PAK1: variants seen among roughly 807,000 people sequenced by gnomAD.
PAK1 encodes the protein serine/threonine-protein kinase PAK 1.
Under a neutral mutation model 67.4 loss-of-function variants are expected in PAK1, and 29 were observed. The ratio of observed to expected loss-of-function variants is 0.43; its 90% CI spans 0.32 to 0.59. The LOEUF (loss-of-function observed/expected upper bound fraction) is 0.59, where lower values mean the gene tolerates loss of function less well. Among genes scored for constraint, PAK1 ranks in the 20% least tolerant of loss-of-function variants. The probability of loss-of-function intolerance (pLI) is 0.07; values close to 1 mark genes in which losing one functional copy is unlikely to be tolerated. For missense variants in PAK1, 337 were observed against 670.7 expected, an observed-to-expected ratio of 0.50 and a Z score of 5.50; for synonymous variants, 223 against 237.4, an observed-to-expected ratio of 0.94 and a Z score of 0.56.
chr11:77,523,279 TATA>T, the PAK1 span, among the ~76,000 whole-genome samples: 2 of 152,202 alleles, frequency 1.3e-5, no homozygotes, highest in Non-Finnish European at 2.9e-5. Context: ...TACTAAAATA[TATA>T]ATATCTCAGA....
chr11:77,328,367 T>G (rs558804434), intron 14 of PAK1, among the ~76,000 whole-genome samples: 1 of 152,068 alleles, frequency 6.6e-6, no homozygotes, highest in Non-Finnish European at 1.5e-5. Flanking sequence ...TACTCCAAAA[T>G]TGACCACATA....
chr11:77,439,701 A>G (rs1344618181), intron 1 of PAK1, among the ~76,000 whole-genome samples: 4 of 152,324 alleles, frequency 2.6e-5, no homozygotes, highest in Admixed American at 1.3e-4. Context: ...ATTCACTTCC[A>G]GAGACATCAT....
intron 1 of PAK1, among the ~76,000 whole-genome samples, chr11:77,460,683 G>C (rs1322065062): frequency 6.6e-6 from 1 of 152,018 alleles, no homozygotes; most frequent in African/African-American, 2.4e-5. Flanking sequence ...TGGGACCATG[G>C]GAAACAATCT....
the PAK1 span, among the ~76,000 whole-genome samples, chr11:77,496,114 G>A: frequency 0.052 from 7,884 of 151,322 alleles, 685 homozygotes; most frequent in African/African-American, 0.18. Context: ...CGCTTCCCAG[G>A]TTCAAGTAAT....
At chr11:77,449,426 A>G (rs1248700950) in intron 1 of PAK1, among the ~76,000 whole-genome samples, 1 of 152,200 alleles carries the variant, frequency 6.6e-6, no homozygotes, top group Non-Finnish European at 1.5e-5. Context: ...AAGACCATTC[A>G]GTTCAACATC....
chr11:77,411,232 A>C (rs2138027975), intron 1 of PAK1, among the ~76,000 whole-genome samples: 1 of 152,152 alleles, frequency 6.6e-6, no homozygotes, highest in South Asian at 2.1e-4. Flanking sequence ...TTAGCACTTT[A>C]AACCAGCTCA....
chr11:77,488,900 A>G, the PAK1 span, among the ~76,000 whole-genome samples: 1 of 152,228 alleles, frequency 6.6e-6, no homozygotes, highest in Non-Finnish European at 1.5e-5. Context: ...AAAATAATAG[A>G]GAACTTTCCA....
At position 77,449,946 on chromosome 11, in the gene PAK1, A is replaced by G. The variant is rs116477560; in HGVS notation, c.-22+23606T>C. Among the ~76,000 whole-genome samples, 1,125 of 152,292 alleles carry G rather than the reference A, an allele frequency of 7.4e-3. 27 individuals carry two copies. Among genetic ancestry groups the G allele is most frequent in the African/African-American group, 0.026 (1,075 of 41,558 alleles). Reference sequence around the variant, plus strand: ...AAAGCATAGACAAGCATGACAATCAATGATTATCTTTTAGTCATGAAGACT... The same window carrying G: ...AAAGCATAGACAAGCATGACAATCAGTGATTATCTTTTAGTCATGAAGACT... On this transcript the variant is annotated intron_variant, in intron 1 of 14. Coordinates refer to ENST00000356341, the MANE Select transcript of PAK1 (RefSeq NM_002576.5).
intron 8 of PAK1, among the ~76,000 whole-genome samples, chr11:77,351,461 C>A (rs1273243016): frequency 6.6e-6 from 1 of 152,114 alleles, no homozygotes; most frequent in East Asian, 1.9e-4. Context: ...TTCTTAATAT[C>A]TCAATTTCAC....
chr11:77,431,027 T>C (rs1386144640), intron 1 of PAK1, among the ~76,000 whole-genome samples: 1 of 152,160 alleles, frequency 6.6e-6, no homozygotes, highest in South Asian at 2.1e-4. Flanking sequence ...CTTATGAGAA[T>C]CTAATGATAA....
At chr11:77,323,491 A>G (rs901176136) in intron 14 of PAK1, 131 bp from the exon 15 acceptor site, 6 of 683,248 alleles carry the variant, frequency 8.8e-6, no homozygotes, top group Non-Finnish European at 1.6e-5. Flanking sequence ...CCCCAAATTG[A>G]AGGACATCTT....
At chr11:77,332,641 T>C (rs1565578315) in intron 14 of PAK1, 89 bp downstream of exon 14, 1 of 1,026,130 alleles carries the variant, frequency 9.7e-7, no homozygotes, top group Non-Finnish European at 1.5e-6. Context: ...CCTAGTTCTA[T>C]AATATCCAGT....
At chr11:77,430,309 C>T (rs1000842055) in intron 1 of PAK1, among the ~76,000 whole-genome samples, 4 of 152,148 alleles carry the variant, frequency 2.6e-5, no homozygotes, top group Non-Finnish European at 5.9e-5. Context: ...TTCAGACTCC[C>T]CCATTTGATG....
At chr11:77,505,488 A>G in the PAK1 span, among the ~76,000 whole-genome samples, 4 of 152,214 alleles carry the variant, frequency 2.6e-5, no homozygotes, top group Non-Finnish European at 5.9e-5. Flanking sequence ...ATGCCTGGCC[A>G]TTGCTACTAT....
intron 8 of PAK1, among the ~76,000 whole-genome samples, chr11:77,349,731 G>A (rs1055363869): frequency 3.3e-5 from 5 of 151,826 alleles, no homozygotes; most frequent in Admixed American, 6.6e-5. Flanking sequence ...CCCTTGGCAC[G>A]TGGCTCTAAT....
chr11:77,431,144 C>G (rs1053200463), intron 1 of PAK1, among the ~76,000 whole-genome samples: 1 of 151,548 alleles, frequency 6.6e-6, no homozygotes, highest in South Asian at 2.1e-4. Context: ...ATGTTGGGGA[C>G]CACTGATTTA....
chr11:77,529,882 G>C, the PAK1 span: 6 of 152,440 alleles, frequency 3.9e-5, no homozygotes, highest in African/African-American at 1.4e-4. Context: ...AGCTGTGCTG[G>C]AGCAGTGACA....
chr11:77,455,536 GT>G (rs1163047619), intron 1 of PAK1, among the ~76,000 whole-genome samples: 2 of 150,844 alleles, frequency 1.3e-5, no homozygotes, highest in Non-Finnish European at 2.9e-5. Context: ...TGGGGACTCA[GT>G]TATTCAATGT....
intron 1 of PAK1, among the ~76,000 whole-genome samples, chr11:77,435,086 G>C (rs1956053341): frequency 7.4e-6 from 1 of 134,248 alleles, no homozygotes; most frequent in African/African-American, 2.9e-5. Context: ...TCTAAAACTA[G>C]ATTGTAGTAC....
Sources: gnomAD v4.1 joint callset for allele counts (sites outside exome capture counted in the v4.1 genomes callset) on GRCh38, gnomAD v4.1.1 for gene constraint, MANE v1.5 for transcripts, NCBI Gene and HGNC (gene_info 2026-07-23, HGNC 2026-07-21) for gene names.